Variants in ARHGAP10 observed in about 807,000 individuals in gnomAD.
ARHGAP10 encodes rho GTPase-activating protein 10.
ARHGAP10 carries 87 observed loss-of-function variants against 108.6 expected under a neutral mutation model. The ratio of observed to expected loss-of-function variants is 0.80; its 90% CI spans 0.67 to 0.96. The LOEUF (loss-of-function observed/expected upper bound fraction) is 0.96, where lower values mean the gene tolerates loss of function less well. Among genes scored for constraint, ARHGAP10 ranks in the 40% least tolerant of loss-of-function variants. ARHGAP10 has a pLI of 0.00. For missense variants in ARHGAP10, 939 were observed against 954.5 expected (o/e 0.98, Z 0.21); for synonymous variants, 347 against 341.1 (o/e 1.02, Z -0.19).
At chr4:148,041,144 C>A (rs1728617486) in intron 19 of ARHGAP10, among the ~76,000 whole-genome samples, 1 of 152,076 alleles carries the variant, frequency 6.6e-6, no homozygotes, top group African/African-American at 2.4e-5. Context: ...TTTTTCTTTC[C>A]TCTTTTCTGT....
intron 8 of ARHGAP10, among the ~76,000 whole-genome samples, chr4:147,876,845 A>G (rs1246481003): frequency 7.2e-5 from 11 of 152,300 alleles, no homozygotes; most frequent in Admixed American, 6.5e-4. Context: ...AAACAGCCCT[A>G]TGAAGTATAA....
At position 147,793,784 on chromosome 4, in the gene ARHGAP10, C is replaced by A. The variant is rs75582832; in HGVS notation, c.155-28943C>A. 8.4e-3 allele frequency among the ~76,000 whole-genome samples: 1,282 copies of A among 152,262 alleles called. 20 individuals are homozygous for A. The highest frequency in any genetic ancestry group is 0.035 in the East Asian group (184 of 5,184). ...TCATCCGTGCCTGTGTACGTGCCTTCCCCCTTAACAGTAAGCTTCTTGACC... is the reference window on the plus strand; with the variant it reads ...TCATCCGTGCCTGTGTACGTGCCTTACCCCTTAACAGTAAGCTTCTTGACC... On this transcript the variant is annotated intron_variant, in intron 1 of 22. Transcript: ENST00000336498.
intron 13 of ARHGAP10, among the ~76,000 whole-genome samples, chr4:147,932,951 A>C (rs1439856459): frequency 2.0e-5 from 3 of 152,208 alleles, no homozygotes. Context: ...AAAAATACTT[A>C]AATAACCTGA....
chr4:148,027,049 C>A (rs116178140), intron 19 of ARHGAP10, among the ~76,000 whole-genome samples: 1,736 of 152,212 alleles, frequency 0.011, 34 homozygotes, highest in African/African-American at 0.039. Flanking sequence ...GTTCAGGAGG[C>A]TATATGAGAT....
chr4:147,841,920 A>G (rs1043409638), intron 3 of ARHGAP10, among the ~76,000 whole-genome samples: 2 of 152,060 alleles, frequency 1.3e-5, no homozygotes, highest in African/African-American at 4.8e-5. Flanking sequence ...TAAGGCAGAA[A>G]CCCTTATATT....
chr4:147,797,924 T>TCATCC lies in ARHGAP10; in HGVS notation c.155-24796_155-24792dup, dbSNP rs1170233911. ...CCACCCCAACCCATCCCATGCCATC[T>TCATCC]CATCCCATCCCTCTCCTCTTTGTCC... On this transcript the variant is annotated intron_variant, in intron 1 of 22. Transcript: ENST00000336498. Among the ~76,000 whole-genome samples the TCATCC allele has an allele frequency of 1.1e-4, 17 of 151,332 alleles. No individual in the cohort carries two copies. The East Asian group carries it at 2.4e-3, about 21-fold the overall frequency.
chr4:148,019,815 T>G (rs538878472), intron 18 of ARHGAP10, among the ~76,000 whole-genome samples: 1 of 151,898 alleles, frequency 6.6e-6, no homozygotes, highest in East Asian at 1.9e-4. Flanking sequence ...TAACCTTCCA[T>G]AGCTGTTAAG....
At chr4:147,938,586 C>T (rs1158968870) in intron 13 of ARHGAP10, among the ~76,000 whole-genome samples, 1 of 152,172 alleles carries the variant, frequency 6.6e-6, no homozygotes, top group Non-Finnish European at 1.5e-5. Context: ...GAGAGGTTTC[C>T]TCTCTTCCTC....
At chr4:147,996,654 C>T (rs868247211) in intron 18 of ARHGAP10, among the ~76,000 whole-genome samples, 1 of 152,340 alleles carries the variant, frequency 6.6e-6, no homozygotes, top group South Asian at 2.1e-4. Context: ...AATCCTCATC[C>T]TCCCTGTACC....
intron 1 of ARHGAP10, among the ~76,000 whole-genome samples, chr4:147,767,598 T>TCCCA (rs2126714379): frequency 6.6e-6 from 1 of 152,266 alleles, no homozygotes; most frequent in African/African-American, 2.4e-5. Context: ...GCACCTGTAG[T>TCCCA]CCCAGTTACT....
intron 18 of ARHGAP10, among the ~76,000 whole-genome samples, chr4:148,005,758 G>T (rs1158143881): frequency 6.6e-6 from 1 of 152,172 alleles, no homozygotes; most frequent in Non-Finnish European, 1.5e-5. Context: ...TGAGGTTCTT[G>T]TGTCTTGTCC....
At chr4:147,742,568 C>T (rs749635984) in intron 1 of ARHGAP10, among the ~76,000 whole-genome samples, 6 of 144,994 alleles carry the variant, frequency 4.1e-5, no homozygotes, top group Non-Finnish European at 7.5e-5. Flanking sequence ...ACTGCAACCT[C>T]TGCCTCCCGG....
chr4:147,806,856 C>T lies in ARHGAP10; in HGVS notation c.155-15871C>T, dbSNP rs373348127. ...AGCTGGGACCACAAGTGTATGCCAT[C>T]CTGCCCAGCTAAAGGGGCCAACATT... On this transcript the variant is annotated intron_variant, in intron 1 of 22. Transcript: ENST00000336498. 3.9e-5 allele frequency among the ~76,000 whole-genome samples: 6 copies of T among 152,146 alleles called. No homozygotes were observed. In the East Asian group the frequency reaches 5.8e-4, roughly 15 times the overall value.
chr4:147,866,647 TTA>T, intron 6 of ARHGAP10, 63 bp from the exon 7 acceptor site: 3 of 1,204,498 alleles, frequency 2.5e-6, no homozygotes, highest in Non-Finnish European at 3.6e-6. Context: ...ACTTGGTTGT[TTA>T]TATGATTCTT....
rs59933316 is a variant in ARHGAP10, at chr4:147,837,643, G to GTTTTTTTT, written c.313-9496_313-9489dup. Among the ~76,000 whole-genome samples, 16 of 70,232 alleles carry GTTTTTTTT rather than the reference G, an allele frequency of 2.3e-4. 1 individual carries two copies. Among genetic ancestry groups the GTTTTTTTT allele is most frequent in the South Asian group, 7.5e-4 (1 of 1,340 alleles). 46.1% of individuals were successfully genotyped at this position (70,232 alleles called of 152,430 possible). A position where few individuals can be genotyped will look rare whatever the true frequency, so the allele number is the denominator to read the frequency against. Reference sequence around the variant, plus strand: ...CACCTCGCTAGAATCTCTGGTCACTGTTTTTTTTTTTTTTTTTTTAAAGCA... The same window carrying GTTTTTTTT: ...CACCTCGCTAGAATCTCTGGTCACTGTTTTTTTTTTTTTTTTTTTTTTTTTTTAAAGCA... On this transcript the variant is annotated intron_variant, in intron 3 of 22. Transcript: ENST00000336498.
At chr4:147,784,458 A>G (rs1209029073) in intron 1 of ARHGAP10, among the ~76,000 whole-genome samples, 1 of 124,178 alleles carries the variant, frequency 8.1e-6, no homozygotes, top group Non-Finnish European at 1.6e-5. Context: ...TATATGATAT[A>G]TATTATATAA....
In ARHGAP10 at chr4:147,744,276, G is replaced by A. The variant is rs545498329; in HGVS notation, c.154+11821G>A. 6.6e-5 allele frequency among the ~76,000 whole-genome samples: 10 copies of A among 152,208 alleles called. No homozygotes were observed. In the South Asian group the frequency reaches 1.7e-3, roughly 25 times the overall value. ...GGGGAAGAAGTATTCTCCAAGTGCA[G>A]GGAAAATGCATCTGAGAGGTCAGAG... On this transcript the variant is annotated intron_variant, in intron 1 of 22. Coordinates refer to ENST00000336498, the MANE Select transcript of ARHGAP10 (RefSeq NM_024605.4).
At chr4:147,995,516 C>T (rs1333976278) in intron 18 of ARHGAP10, among the ~76,000 whole-genome samples, 1 of 152,148 alleles carries the variant, frequency 6.6e-6, no homozygotes, top group East Asian at 1.9e-4. Flanking sequence ...TATGTATTTA[C>T]CAGCATTATT....
intron 1 of ARHGAP10, among the ~76,000 whole-genome samples, chr4:147,790,468 A>G (rs1482276709): frequency 2.6e-5 from 4 of 152,242 alleles, no homozygotes; most frequent in African/African-American, 7.2e-5. Context: ...GTGTATCAGT[A>G]ATTATTATTC....
Sources: allele counts gnomAD v4.1 joint callset (sites outside exome capture counted in the v4.1 genomes callset), GRCh38; gene constraint gnomAD v4.1.1; transcripts MANE v1.5; gene names NCBI Gene and HGNC (gene_info 2026-07-23, HGNC 2026-07-21).